The following ESRRB variants were observed in gnomAD, a reference collection of about 807,000 sequenced individuals.
The protein encoded by ESRRB is estrogen related receptor beta.
A neutral mutation model predicts 46.0 loss-of-function variants in ESRRB; 16 were observed. That is an observed-to-expected ratio of 0.35 (90% CI 0.24 to 0.53). The LOEUF is 0.53. ESRRB is among the 20% of genes least tolerant of loss of function. ESRRB has a pLI of 0.93. For missense variants in ESRRB, 488 were observed against 607.4 expected, an observed-to-expected ratio of 0.80 and a Z score of 2.07; for synonymous variants, 246 against 259.6, an observed-to-expected ratio of 0.95 and a Z score of 0.50.
At chr14:76,498,163 C>T (rs1303271821) in intron 6 of ESRRB, 51 bp from the exon 7 acceptor site, 1 of 1,611,670 alleles carries the variant, frequency 6.2e-7, no homozygotes, top group African/African-American at 1.3e-5. Context: ...GCCCCCACAC[C>T]AGGCAGCACT....
intron 2 of ESRRB, among the ~76,000 whole-genome samples, chr14:76,455,572 C>A (rs1484886595): frequency 6.6e-6 from 1 of 152,144 alleles, no homozygotes; most frequent in Non-Finnish European, 1.5e-5. Context: ...CTGGATCCTA[C>A]CTCTTCCTCT....
At chr14:76,468,183 G>A (rs1282859967) in intron 3 of ESRRB, among the ~76,000 whole-genome samples, 1 of 152,204 alleles carries the variant, frequency 6.6e-6, no homozygotes, top group African/African-American at 2.4e-5. Flanking sequence ...GCCCATGCCA[G>A]AAATATCACT....
At chr14:76,335,540 A>G (rs1201998661) in intron 1 of ESRRB, among the ~76,000 whole-genome samples, 3 of 152,232 alleles carry the variant, frequency 2.0e-5, no homozygotes, top group Non-Finnish European at 2.9e-5. Flanking sequence ...GAAGACAGAC[A>G]TGGTCCCTGC....
intron 3 of ESRRB, among the ~76,000 whole-genome samples, chr14:76,475,047 AG>A (rs1464594912): frequency 3.9e-5 from 6 of 152,000 alleles, no homozygotes; most frequent in African/African-American, 1.4e-4. Flanking sequence ...TGGGCAACAT[AG>A]TGAGACCCCC....
At chr14:76,468,766 T>C (rs892464336) in intron 3 of ESRRB, among the ~76,000 whole-genome samples, 4 of 152,172 alleles carry the variant, frequency 2.6e-5, no homozygotes, top group African/African-American at 7.2e-5. Context: ...CCTAGAGTTA[T>C]ACTGTGAAGT....
At chr14:76,436,633 C>T (rs1357389379) in intron 1 of ESRRB, among the ~76,000 whole-genome samples, 1 of 152,174 alleles carries the variant, frequency 6.6e-6, no homozygotes, top group Admixed American at 6.5e-5. Context: ...GAGCAAGGTG[C>T]GCCCCTGTTG....
chr14:76,358,324 AAAGAAAG>A (rs1428363477), intron 1 of ESRRB, among the ~76,000 whole-genome samples: 3 of 7,614 alleles, frequency 3.9e-4, no homozygotes, highest in South Asian at 5.5e-3. Context: ...AAAAAAAAAA[AAAGAAAG>A]AAAGAAAGAA....
At chr14:76,428,545 C>T (rs888273679) in intron 1 of ESRRB, among the ~76,000 whole-genome samples, 2 of 152,086 alleles carry the variant, frequency 1.3e-5, no homozygotes, top group Non-Finnish European at 2.9e-5. Flanking sequence ...TACCAGGTAC[C>T]ATTGGGCCCT....
chr14:76,405,562 C>T (rs568260338), intron 1 of ESRRB, among the ~76,000 whole-genome samples: 3 of 152,178 alleles, frequency 2.0e-5, no homozygotes, highest in African/African-American at 7.2e-5. Context: ...AGAATGCTTC[C>T]AGGGGGCTTG....
At chr14:76,400,947 G>A (rs534268910) in intron 1 of ESRRB, among the ~76,000 whole-genome samples, 2 of 152,248 alleles carry the variant, frequency 1.3e-5, no homozygotes, top group South Asian at 2.1e-4. Context: ...TGGTCCTCTC[G>A]CTCTCCCTGA....
chr14:76,450,692 C>G (rs780701987), intron 2 of ESRRB, among the ~76,000 whole-genome samples: 2 of 152,164 alleles, frequency 1.3e-5, no homozygotes, highest in Non-Finnish European at 2.9e-5. Flanking sequence ...TGGGTCGCCT[C>G]CAGGTCTTTT....
chr14:76,371,086 G>T (rs528088634), upstream of ESRRB, among the ~76,000 whole-genome samples: 1 of 152,174 alleles, frequency 6.6e-6, no homozygotes, highest in Non-Finnish European at 1.5e-5. Context: ...CCTTGGTGTC[G>T]TGGCAGCAGT....
chr14:76,321,823 C>A (rs932385584), intron 1 of ESRRB, among the ~76,000 whole-genome samples: 4 of 151,614 alleles, frequency 2.6e-5, no homozygotes, highest in Admixed American at 2.0e-4. Flanking sequence ...GGAGGCGGAG[C>A]TTGCAGTGAG....
At chr14:76,426,588 G>A (rs1007665981) in intron 1 of ESRRB, among the ~76,000 whole-genome samples, 8 of 152,162 alleles carry the variant, frequency 5.3e-5, no homozygotes, top group African/African-American at 1.9e-4. Context: ...AATTCTGATT[G>A]CCAAGATGGT....
upstream of ESRRB, among the ~76,000 whole-genome samples, chr14:76,369,676 A>T (rs1884574713): frequency 6.6e-6 from 1 of 152,198 alleles, no homozygotes; most frequent in Non-Finnish European, 1.5e-5. Flanking sequence ...TATTCCAAAA[A>T]ATAATTGGGT....
At chr14:76,369,878 G>A (rs1005144293), upstream of ESRRB, among the ~76,000 whole-genome samples, 1 of 152,120 alleles carries the variant, frequency 6.6e-6, no homozygotes, top group African/African-American at 2.4e-5. Flanking sequence ...ATATTTTGTG[G>A]TTTCTCTAAA....
At chr14:76,479,688 C>T (rs1010855183) in intron 3 of ESRRB, among the ~76,000 whole-genome samples, 1 of 152,276 alleles carries the variant, frequency 6.6e-6, no homozygotes, top group Middle Eastern at 3.4e-3. Context: ...CTGATCAGTC[C>T]TCACCTTCGC....
intron 1 of ESRRB, among the ~76,000 whole-genome samples, chr14:76,341,153 T>A (rs1265139562): frequency 2.0e-5 from 3 of 151,998 alleles, no homozygotes; most frequent in South Asian, 2.1e-4. Flanking sequence ...ATGGACTGAG[T>A]CTCCTCCCTC....
chr14:76,382,865 G>A (rs1406886956), intron 1 of ESRRB, among the ~76,000 whole-genome samples: 3 of 151,836 alleles, frequency 2.0e-5, no homozygotes, highest in Non-Finnish European at 2.9e-5. Context: ...TCTTTCCTTT[G>A]TTCCTTAGGA....
Sources: gnomAD v4.1 joint callset for allele counts (sites outside exome capture counted in the v4.1 genomes callset) on GRCh38, gnomAD v4.1.1 for gene constraint, MANE v1.5 for transcripts, NCBI Gene and HGNC (gene_info 2026-07-23, HGNC 2026-07-21) for gene names.